Variants in CD1B observed in about 807,000 individuals in gnomAD.
The protein encoded by CD1B is CD1b molecule.
In CD1B, 43 loss-of-function variants were observed where a neutral mutation model predicts 39.8. That is an observed-to-expected ratio of 1.08 (90% CI 0.85 to 1.39). The LOEUF is 1.39. Among genes scored for constraint, CD1B ranks in the 40% most tolerant of loss-of-function variants. The pLI is 0.00. For synonymous variants in CD1B, 192 were observed against 152.5 expected (o/e 1.26, Z -1.91); for missense variants, 495 against 403.8 (o/e 1.23, Z -1.94).
the CD1B span, among the ~76,000 whole-genome samples, chr1:158,309,986 A>AT: frequency 3.1e-3 from 445 of 145,616 alleles, 2 homozygotes; most frequent in African/African-American, 0.011. Flanking sequence ...TATAATAATA[A>AT]AAAAAAAAGA....
downstream of CD1B, among the ~76,000 whole-genome samples, chr1:158,323,637 G>A (rs1024016492): frequency 6.6e-6 from 1 of 152,092 alleles, no homozygotes; most frequent in African/African-American, 2.4e-5. Context: ...TTTCTTCACT[G>A]GGCCTCTCCA....
chr1:158,292,795 G>A, the CD1B span: 1 of 1,614,186 alleles, frequency 6.2e-7, no homozygotes, highest in Admixed American at 1.7e-5. Flanking sequence ...TCCTGGAGGT[G>A]GCATCTGAGG....
the CD1B span, among the ~76,000 whole-genome samples, chr1:158,302,715 A>G: frequency 1.3e-5 from 2 of 152,170 alleles, no homozygotes; most frequent in Non-Finnish European, 2.9e-5. Context: ...GAAAATATAC[A>G]TTCCCAAAAT....
At chr1:158,288,070 A>G in the CD1B span, among the ~76,000 whole-genome samples, 6 of 152,366 alleles carry the variant, frequency 3.9e-5, no homozygotes, top group Admixed American at 6.5e-5. Flanking sequence ...ATGTGAATAA[A>G]CACATAATGT....
chr1:158,313,016 C>T, the CD1B span, among the ~76,000 whole-genome samples: 7 of 152,034 alleles, frequency 4.6e-5, no homozygotes, highest in Admixed American at 1.3e-4. Context: ...TGTTTAGGTA[C>T]GTTCCTTATA....
At chr1:158,308,678 A>T in the CD1B span, among the ~76,000 whole-genome samples, 1 of 152,216 alleles carries the variant, frequency 6.6e-6, no homozygotes, top group Non-Finnish European at 1.5e-5. Flanking sequence ...ATAACGCCAC[A>T]TATCTATAAC....
At position 158,328,783 on chromosome 1, in the gene CD1B, C is replaced by A. The variant is rs759718059; in HGVS notation, c.980+138G>T. ...GAATTTTTTTTAAGTCCACATAAAA[C>A]GAATGGGAGTTTGGGGAAAGGATAT... On this transcript the variant is annotated intron_variant, in intron 5 of 5. Transcript: ENST00000368168. The A allele has an allele frequency of 1.6e-5, 10 of 629,034 alleles. No homozygotes were observed. The East Asian group carries it at 2.6e-4, about 16-fold the overall frequency. 39.0% of individuals were successfully genotyped at this position (629,034 alleles called of 1,614,324 possible).
chr1:158,307,749 C>A, the CD1B span, among the ~76,000 whole-genome samples: 22 of 151,948 alleles, frequency 1.4e-4, no homozygotes, highest in East Asian at 3.9e-3. Flanking sequence ...ATAAAGTGGG[C>A]TTCATCTTGA....
the CD1B span, chr1:158,292,337 T>C: frequency 6.2e-7 from 1 of 1,614,120 alleles, no homozygotes; most frequent in Non-Finnish European, 8.5e-7. Context: ...GTCTCCTGGA[T>C]GCAGGGAAGA....
Position 158,329,434 on chromosome 1 carries a change from C to A in CD1B, c.822G>T (p.Ala274=), listed in dbSNP as rs367979289. ...GCTTCACCCGACAGGACAGGCCAGC[C>A]GCCTCCCCATCTGCCACATCCAGGG... ...RATLDVADGE[A]AGLSCRVKHS... is the part of the protein sequence containing the mutation. The change falls in exon 4 of 6, where the codon GCG becomes GCT. Residue 274 remains alanine, a synonymous_variant. Coordinates refer to ENST00000368168, the MANE Select transcript of CD1B (RefSeq NM_001764.3). 10 of 1,614,140 alleles carry A rather than the reference C, an allele frequency of 6.2e-6. No individual in the cohort carries two copies. Among genetic ancestry groups the A allele is most frequent in the Non-Finnish European group, 8.5e-6 (10 of 1,180,024 alleles).
At chr1:158,328,485 TAA>T (rs1557820702) in intron 5 of CD1B, among the ~76,000 whole-genome samples, 3 of 152,072 alleles carry the variant, frequency 2.0e-5, no homozygotes, top group Non-Finnish European at 4.4e-5. Context: ...CTAAATGAAA[TAA>T]GTCACAAAAA....
At chr1:158,296,966 T>G in the CD1B span, among the ~76,000 whole-genome samples, 1 of 152,118 alleles carries the variant, frequency 6.6e-6, no homozygotes, top group African/African-American at 2.4e-5. Flanking sequence ...AGACCAAACC[T>G]GTACTCACTG....
the CD1B span, among the ~76,000 whole-genome samples, chr1:158,322,789 T>A: frequency 0.048 from 7,275 of 152,262 alleles, 564 homozygotes; most frequent in African/African-American, 0.16. Context: ...TTGGTTGGCA[T>A]TCTTTTTCTT....
the CD1B span, among the ~76,000 whole-genome samples, chr1:158,303,276 C>G: frequency 6.6e-6 from 1 of 152,242 alleles, no homozygotes; most frequent in East Asian, 1.9e-4. Context: ...TAAAGGAACA[C>G]ACCTCAAAAC....
At chr1:158,288,663 G>T in the CD1B span, among the ~76,000 whole-genome samples, 1 of 152,218 alleles carries the variant, frequency 6.6e-6, no homozygotes, top group East Asian at 1.9e-4. Context: ...AAAGTGCTGG[G>T]ATTACAGGCA....
At chr1:158,320,587 C>A in the CD1B span, among the ~76,000 whole-genome samples, 1 of 152,054 alleles carries the variant, frequency 6.6e-6, no homozygotes. Flanking sequence ...GAACCCGGTA[C>A]CTCAGATGGA....
chr1:158,310,267 T>C, the CD1B span, among the ~76,000 whole-genome samples: 1 of 152,200 alleles, frequency 6.6e-6, no homozygotes, highest in African/African-American at 2.4e-5. Context: ...GCTAGCCATA[T>C]GCAGAATATT....
At chr1:158,316,374 T>A in the CD1B span, among the ~76,000 whole-genome samples, 1 of 151,886 alleles carries the variant, frequency 6.6e-6, no homozygotes, top group African/African-American at 2.4e-5. Flanking sequence ...GTCCTTCACA[T>A]CCCTTGTAAG....
Position 158,330,020 on chromosome 1 carries a change from C to T in CD1B, c.439G>A (p.Ala147Thr). The T allele has an allele frequency of 1.2e-6, 2 of 1,614,078 alleles. No individual in the cohort carries two copies. The highest frequency in any genetic ancestry group is 2.2e-5 in the South Asian group (2 of 91,070). ...CCTTCTGGGGAAGGCACACATGAAGCATTCTTGACACTCAGGAAATCCAAT... is the reference window on the plus strand; with the variant it reads ...CCTTCTGGGGAAGGCACACATGAAGTATTCTTGACACTCAGGAAATCCAAT... ...GGLDFLSVKN[A>T]SCVPSPEGGS... The change falls in exon 3 of 6, where the codon GCT becomes ACT. Residue 147 changes from alanine (A) to threonine (T), a missense_variant. By Grantham distance (58) the Ala-to-Thr change is moderately conservative (BLOSUM62 0). Coordinates refer to ENST00000368168, the MANE Select transcript of CD1B (RefSeq NM_001764.3).
Sources: gnomAD v4.1 joint callset for allele counts (sites outside exome capture counted in the v4.1 genomes callset) on GRCh38, gnomAD v4.1.1 for gene constraint, MANE v1.5 for transcripts, NCBI Gene and HGNC (gene_info 2026-07-23, HGNC 2026-07-21) for gene names.